CABP1: variants seen among roughly 807,000 people sequenced by gnomAD.
CABP1 encodes the protein calcium binding protein 1.
CABP1 carries 17 observed loss-of-function variants against 34.3 expected under a neutral mutation model. The observed-to-expected ratio is 0.50, with a 90% CI of 0.34 to 0.74. The LOEUF (loss-of-function observed/expected upper bound fraction) is 0.74. Ranked by LOEUF, CABP1 falls within the 30% of genes least tolerant of loss-of-function variation. The pLI is 0.01. For missense variants in CABP1, 373 were observed against 511.1 expected (o/e 0.73, Z 2.61); for synonymous variants, 198 against 229.2 (o/e 0.86, Z 1.23).
At chr12:120,669,223 G>C (rs947187288), downstream of CABP1, among the ~76,000 whole-genome samples, 3 of 152,228 alleles carry the variant, frequency 2.0e-5, no homozygotes, top group Non-Finnish European at 4.4e-5. Context: ...AGAGGCCCGG[G>C]TAATCCTCAC....
chr12:120,671,717 G>A, downstream of CABP1, among the ~76,000 whole-genome samples: 2 of 152,206 alleles, frequency 1.3e-5, 1 homozygote. Flanking sequence ...GCAGCTGAGG[G>A]TAGCCAGGAG....
rs1327648814 is a variant in CABP1 at position 120,667,007 on chromosome 12, G to C, written c.*107G>C. The C allele has an allele frequency of 1.4e-6, 2 of 1,390,378 alleles. No individual in the cohort carries two copies. The highest frequency in any genetic ancestry group is 2.0e-6 in the Non-Finnish European group (2 of 1,013,660). 86.1% of individuals were successfully genotyped at this position (1,390,378 alleles called of 1,614,324 possible). On this transcript the variant is annotated 3_prime_UTR_variant, in exon 6 of 6. Transcript: ENST00000316803. ...CGCCGAGAGCCCAGGATGTACTGGC[G>C]GATGGGGCCTGCCTGCACCCCGGGG...
At chr12:120,675,233 A>G in the CABP1 span, among the ~76,000 whole-genome samples, 1 of 152,030 alleles carries the variant, frequency 6.6e-6, no homozygotes, top group African/African-American at 2.4e-5. Flanking sequence ...CTGTATTTTT[A>G]GTAGAGATGA....
chr12:120,675,535 C>A, the CABP1 span, among the ~76,000 whole-genome samples: 1 of 152,178 alleles, frequency 6.6e-6, no homozygotes, highest in Non-Finnish European at 1.5e-5. Flanking sequence ...TGGAGTTGAA[C>A]TTAAATGTCT....
In CABP1 at chr12:120,660,681, A is replaced by G; in HGVS notation, c.830-50A>G. On this transcript the variant is annotated intron_variant, in intron 3 of 5. Coordinates refer to ENST00000316803, the MANE Select transcript of CABP1 (RefSeq NM_001033677.2). The surrounding 1 kb of genome is among the most constrained non-coding windows in gnomAD (Gnocchi z 5.0). ...CATTCTGTCAGTTGTCTAGTTGGAGACAGGGAATGGGTATGTCGGGGATGA... is the reference window on the plus strand; with the variant it reads ...CATTCTGTCAGTTGTCTAGTTGGAGGCAGGGAATGGGTATGTCGGGGATGA... The G allele has an allele frequency of 7.9e-7, 1 of 1,259,938 alleles. No homozygotes were observed. The highest frequency in any genetic ancestry group is 1.2e-6 in the Non-Finnish European group (1 of 857,992). The allele number at this position is 1,259,938 out of a possible 1,614,324, so 78.0% of individuals were successfully genotyped here. A position where few individuals can be genotyped will look rare whatever the true frequency, so the allele number is the denominator to read the frequency against.
At position 120,666,940 on chromosome 12, in the gene CABP1, G is replaced by T; in HGVS notation, c.*40G>T. ...CTCCAGGACTGCCAAGCTCCCAAAG[G>T]CGGGGCTAAGAGGAGCTAGAGCTTG... On this transcript the variant is annotated 3_prime_UTR_variant, in exon 6 of 6. Coordinates refer to ENST00000316803, the MANE Select transcript of CABP1 (RefSeq NM_001033677.2). The T allele has an allele frequency of 6.3e-7, 1 of 1,585,226 alleles. No homozygotes were observed. Among genetic ancestry groups the T allele is most frequent in the Non-Finnish European group, 8.5e-7 (1 of 1,171,192 alleles).
intron 1 of CABP1, among the ~76,000 whole-genome samples, chr12:120,648,439 C>A (rs938790853): frequency 1.3e-5 from 2 of 152,190 alleles, no homozygotes; most frequent in African/African-American, 4.8e-5. Flanking sequence ...ACAAGTGATA[C>A]TTCTTTCTTC....
chr12:120,677,622 G>A, the CABP1 span, among the ~76,000 whole-genome samples: 33 of 152,014 alleles, frequency 2.2e-4, no homozygotes, highest in Admixed American at 1.4e-3. Context: ...GCCCAGGCTA[G>A]TATTGAACTC....
At chr12:120,643,476 G>A (rs1593153370) in intron 1 of CABP1, among the ~76,000 whole-genome samples, 1 of 152,300 alleles carries the variant, frequency 6.6e-6, no homozygotes, top group East Asian at 1.9e-4. Context: ...GAAACTTTTA[G>A]TTAAGATCTG....
chr12:120,678,467 A>G, the CABP1 span, among the ~76,000 whole-genome samples: 2 of 152,160 alleles, frequency 1.3e-5, no homozygotes, highest in Non-Finnish European at 2.9e-5. Context: ...TCTATTTATC[A>G]GATTGCCAGC....
Position 120,659,226 on chromosome 12 carries a change from G to A in CABP1, c.655-652G>A, listed in dbSNP as rs556431816. On this transcript the variant is annotated intron_variant, in intron 1 of 5. Coordinates refer to ENST00000316803, the MANE Select transcript of CABP1 (RefSeq NM_001033677.2). ...AGGGATGGGGGTCAAATTGGAGAAGGTGGGGCAGTGCCCGCGAAGCAGTCA... is the reference window on the plus strand; with the variant it reads ...AGGGATGGGGGTCAAATTGGAGAAGATGGGGCAGTGCCCGCGAAGCAGTCA... The A allele has an allele frequency of 1.5e-3, 225 of 152,388 alleles. 1 individual carries two copies. The highest frequency in any genetic ancestry group is 2.4e-3 in the Non-Finnish European group (163 of 68,206). 9.4% of individuals were successfully genotyped at this position (152,388 alleles called of 1,614,324 possible).
At chr12:120,648,726 C>CA (rs1189962289) in intron 1 of CABP1, among the ~76,000 whole-genome samples, 7 of 151,968 alleles carry the variant, frequency 4.6e-5, no homozygotes, top group Non-Finnish European at 7.4e-5. Context: ...ACTAAAAATA[C>CA]AAAAATTAGC....
At chr12:120,674,247 T>C in the CABP1 span, among the ~76,000 whole-genome samples, 4 of 152,386 alleles carry the variant, frequency 2.6e-5, no homozygotes, top group South Asian at 6.2e-4. Flanking sequence ...TCCAGTTGCC[T>C]ACCACTCTCT....
At position 120,641,252 on chromosome 12, in the gene CABP1, C is replaced by T; in HGVS notation, c.567C>T (p.Gly189=). The T allele has an allele frequency of 9.3e-6, 12 of 1,291,366 alleles. No individual in the cohort carries two copies. Among genetic ancestry groups the T allele is most frequent in the Non-Finnish European group, 1.2e-5 (12 of 1,022,464 alleles). 80.0% of individuals were successfully genotyped at this position (1,291,366 alleles called of 1,614,324 possible). ...TCCGGGGCTCTCTGCGAGCCCGGGG[C>T]CGCGGGGACTCCGTTCCAGCCGCCG... ...LGLRGSLRAR[G]RGDSVPAAAS... is the part of the protein sequence containing the mutation. The change falls in exon 1 of 6, where the codon GGC becomes GGT. Residue 189 remains glycine (G), a synonymous_variant. Coordinates refer to ENST00000316803, the MANE Select transcript of CABP1 (RefSeq NM_001033677.2). This position sits in a 1 kb window ranked among gnomAD's most constrained non-coding sequence, Gnocchi z 6.7.
At chr12:120,680,767 AG>A in the CABP1 span, among the ~76,000 whole-genome samples, 1 of 152,050 alleles carries the variant, frequency 6.6e-6, no homozygotes, top group African/African-American at 2.4e-5. Flanking sequence ...CCCTGGGTTC[AG>A]GCCCTCTAGC....
chr12:120,660,939 G>C lies in CABP1; in HGVS notation c.939+99G>C. On this transcript the variant is annotated intron_variant, in intron 4 of 5. Transcript: ENST00000316803. This position sits in a 1 kb window ranked among gnomAD's most constrained non-coding sequence, Gnocchi z 5.0. ...CCTGAGCCTCAAGTCCCAGATCAGG[G>C]GAGGGAGCTTGGACAGAGAAAGGTC... 7.2e-7 allele frequency: 1 copy of C among 1,385,666 alleles called. No homozygotes were observed. Among genetic ancestry groups the C allele is most frequent in the Middle Eastern group, 1.9e-4 (1 of 5,154 alleles). 85.8% of individuals were successfully genotyped at this position (1,385,666 alleles called of 1,614,324 possible).
chr12:120,680,253 T>C, the CABP1 span, among the ~76,000 whole-genome samples: 15 of 152,196 alleles, frequency 9.9e-5, no homozygotes, highest in Non-Finnish European at 1.8e-4. Context: ...AAATAACTGC[T>C]GCCCATTTAA....
the CABP1 span, among the ~76,000 whole-genome samples, chr12:120,675,963 C>T: frequency 6.6e-6 from 1 of 152,162 alleles, no homozygotes; most frequent in Admixed American, 6.6e-5. Flanking sequence ...GTAATTCCAG[C>T]TACTTGGGAG....
chr12:120,666,792 G>A, intron 5 of CABP1, 83 bp from the exon 6 acceptor site: 4 of 1,458,398 alleles, frequency 2.7e-6, no homozygotes, highest in Non-Finnish European at 3.7e-6. Context: ...TGGGGCAGTG[G>A]CAACAGGGTG....
Sources: allele counts gnomAD v4.1 joint callset (sites outside exome capture counted in the v4.1 genomes callset), GRCh38; gene constraint gnomAD v4.1.1; non-coding constraint Gnocchi (gnomAD v3.1); transcripts MANE v1.5; gene names NCBI Gene and HGNC (gene_info 2026-07-23, HGNC 2026-07-21).